The following TTC1 variants were observed in gnomAD, a reference collection of about 807,000 sequenced individuals.
TTC1 encodes tetratricopeptide repeat protein 1.
In TTC1, 31 loss-of-function variants were observed where a neutral mutation model predicts 37.6. The observed-to-expected ratio is 0.82, with a 90% CI of 0.62 to 1.11. TTC1 has a LOEUF of 1.11. Ranked by LOEUF, TTC1 falls within the 50% of genes most tolerant of loss-of-function variation. The pLI, the probability that TTC1 is intolerant of heterozygous loss-of-function variation, is 0.00. For synonymous variants in TTC1, 127 were observed against 122.4 expected, an observed-to-expected ratio of 1.04 and a Z score of -0.25; for missense variants, 351 against 339.0, an observed-to-expected ratio of 1.04 and a Z score of -0.28.
intron 7 of TTC1, among the ~76,000 whole-genome samples, chr5:160,058,561 C>A (rs1757609496): frequency 6.6e-6 from 1 of 152,000 alleles, no homozygotes; most frequent in Admixed American, 6.6e-5. Flanking sequence ...CAGGTGCCCA[C>A]CACCAAGCCC....
At chr5:160,054,144 G>C (rs1477777013) in intron 7 of TTC1, among the ~76,000 whole-genome samples, 2 of 152,148 alleles carry the variant, frequency 1.3e-5, no homozygotes, top group African/African-American at 4.8e-5. Flanking sequence ...TAATAACCAA[G>C]GAATGTAAGG....
intron 2 of TTC1, chr5:160,023,695 A>G: frequency 2.0e-6 from 3 of 1,520,676 alleles, no homozygotes; most frequent in Admixed American, 1.7e-5. Context: ...TGCACAAGGC[A>G]TGTCACATGT....
At chr5:160,039,883 A>C (rs1007366760) in intron 4 of TTC1, among the ~76,000 whole-genome samples, 2 of 152,244 alleles carry the variant, frequency 1.3e-5, no homozygotes, top group Non-Finnish European at 2.9e-5. Flanking sequence ...GATGACCCTG[A>C]AACCTTTTTT....
At position 160,050,982 on chromosome 5, in the gene TTC1, T is replaced by C. The variant is rs992887138; in HGVS notation, c.691-147T>C. 2.4e-5 allele frequency: 14 copies of C among 580,686 alleles called. No individual in the cohort carries two copies. In the African/African-American group the frequency reaches 2.4e-4, roughly 10 times the overall value. 36.0% of individuals were successfully genotyped at this position (580,686 alleles called of 1,614,324 possible). A position where few individuals can be genotyped will look rare whatever the true frequency, so the allele number is the denominator to read the frequency against. ...CACAAACATAAATACTTGGGGTTTT[T>C]TTTTTTTATTTAATAGGATCATAGA... On this transcript the variant is annotated intron_variant, in intron 6 of 7. Coordinates refer to ENST00000231238, the MANE Select transcript of TTC1 (RefSeq NM_003314.3).
In TTC1 at chr5:160,030,947, C is replaced by T. The variant is rs371381909; in HGVS notation, c.331-4193C>T. On this transcript the variant is annotated intron_variant, in intron 2 of 7. Coordinates refer to ENST00000231238, the MANE Select transcript of TTC1 (RefSeq NM_003314.3). Reference sequence around the variant, plus strand: ...GCAGAATATCAGCACTGCCAGCTCACATATGTGTGAATGCTCCTGGCACCT... The same window carrying T: ...GCAGAATATCAGCACTGCCAGCTCATATATGTGTGAATGCTCCTGGCACCT... Among the ~76,000 whole-genome samples, 24 of 152,314 alleles carry T rather than the reference C, an allele frequency of 1.6e-4. No homozygotes were observed. In the East Asian group the frequency reaches 4.4e-3, roughly 28 times the overall value.
Position 160,010,730 on chromosome 5 carries a change from G to A in TTC1, c.202G>A (p.Ala68Thr). 2.5e-6 allele frequency: 4 copies of A among 1,614,026 alleles called. No individual in the cohort carries two copies. Among genetic ancestry groups the A allele is most frequent in the Non-Finnish European group, 3.4e-6 (4 of 1,179,950 alleles). The change falls in exon 2 of 8, where the codon GCC becomes ACC. Residue 68 changes from alanine to threonine, a missense_variant. Transcript: ENST00000231238. ...GEEECFHDCS[A>T]SFEEEPGADK... ...AGAGGAGTGTTTTCATGACTGCAGTGCCTCATTTGAGGAGGAGCCAGGAGC... is the reference window on the plus strand; with the variant it reads ...AGAGGAGTGTTTTCATGACTGCAGTACCTCATTTGAGGAGGAGCCAGGAGC...
intron 2 of TTC1, among the ~76,000 whole-genome samples, chr5:160,022,900 T>A (rs781091731): frequency 3.3e-5 from 5 of 152,188 alleles, no homozygotes; most frequent in Non-Finnish European, 7.4e-5. Context: ...ATGCTACAGA[T>A]TCGGGGTAAT....
chr5:160,040,915 T>C (rs369163773), intron 4 of TTC1, among the ~76,000 whole-genome samples: 4 of 151,982 alleles, frequency 2.6e-5, no homozygotes, highest in South Asian at 2.1e-4. Context: ...CAGCTATATC[T>C]TTATTCTATA....
chr5:160,055,632 C>T (rs1290108791), intron 7 of TTC1, among the ~76,000 whole-genome samples: 1 of 152,208 alleles, frequency 6.6e-6, no homozygotes, highest in Non-Finnish European at 1.5e-5. Flanking sequence ...TGGAGCTCAG[C>T]AATCTAAGTT....
In TTC1 at chr5:160,036,664, A is replaced by G. The variant is rs1248376797; in HGVS notation, c.392-27A>G. 4.8e-6 allele frequency: 7 copies of G among 1,458,822 alleles called. No individual in the cohort carries two copies. The African/African-American group carries it at 8.4e-5, about 17-fold the overall frequency. 90.4% of individuals were successfully genotyped at this position (1,458,822 alleles called of 1,614,324 possible). A position where few individuals can be genotyped will look rare whatever the true frequency, so the allele number is the denominator to read the frequency against. ...TAGTATCAGGAATAAAATCAAAATG[A>G]CCATTCATCCTTTCTCTTATCCTCA... On this transcript the variant is annotated intron_variant, in intron 3 of 7. Coordinates refer to ENST00000231238, the MANE Select transcript of TTC1 (RefSeq NM_003314.3).
intron 2 of TTC1, among the ~76,000 whole-genome samples, chr5:160,014,777 C>T (rs980231259): frequency 2.6e-5 from 4 of 152,086 alleles, no homozygotes; most frequent in South Asian, 2.1e-4. Context: ...ACAGCATTAA[C>T]GCTGATTCTC....
At position 160,045,552 on chromosome 5, in the gene TTC1, TCC is replaced by T. The variant is rs142492183; in HGVS notation, c.541+2387_541+2388del. Among the ~76,000 whole-genome samples, 309 of 87,534 alleles carry T rather than the reference TCC, an allele frequency of 3.5e-3. 9 individuals are homozygous for T. Among genetic ancestry groups the T allele is most frequent in the Middle Eastern group, 0.018 (3 of 170 alleles). 57.4% of individuals were successfully genotyped at this position (87,534 alleles called of 152,430 possible). The stretch of plus-strand genomic sequence containing the variant: ...CTCTCTCTCTCTCTCTCTCTCTCTC[TCC>T]CCCTCCCCTCTCTCAATCTCTCAAT... On this transcript the variant is annotated intron_variant, in intron 5 of 7. Transcript: ENST00000231238.
intron 2 of TTC1, among the ~76,000 whole-genome samples, chr5:160,014,783 T>C (rs1756571943): frequency 6.6e-6 from 1 of 152,220 alleles, no homozygotes; most frequent in African/African-American, 2.4e-5. Flanking sequence ...TTAACGCTGA[T>C]TCTCTTGTAG....
At chr5:160,013,873 C>G (rs1205870119) in intron 2 of TTC1, among the ~76,000 whole-genome samples, 1 of 151,998 alleles carries the variant, frequency 6.6e-6, no homozygotes, top group Non-Finnish European at 1.5e-5. Context: ...TGTTATGTCA[C>G]TTCATGGGAT....
At chr5:160,047,693 C>G (rs1156917263) in intron 5 of TTC1, among the ~76,000 whole-genome samples, 1 of 152,114 alleles carries the variant, frequency 6.6e-6, no homozygotes, top group Non-Finnish European at 1.5e-5. Context: ...CTCCATGGCC[C>G]TACATTTCAG....
Position 160,065,059 on chromosome 5 carries a change from CAG to C in TTC1, c.875_876del (p.Arg292IlefsTer20). On this transcript the variant is annotated frameshift_variant, in exon 8 of 8. Transcript: ENST00000231238. LOFTEE classifies it high-confidence loss of function. ...INFVQNPNNN[R>X] The stretch of plus-strand genomic sequence containing the variant: ...ATTTCGTTCAAAATCCAAATAATAA[CAG>C]ATAACAAAGATAACAAAAGCTTTAC... 8.7e-6 allele frequency: 14 copies of C among 1,609,994 alleles called. No homozygotes were observed. Among genetic ancestry groups the C allele is most frequent in the African/African-American group, 1.3e-5 (1 of 74,696 alleles).
At chr5:160,033,276 G>A (rs1281187636) in intron 2 of TTC1, among the ~76,000 whole-genome samples, 1 of 151,936 alleles carries the variant, frequency 6.6e-6, no homozygotes, top group Non-Finnish European at 1.5e-5. Flanking sequence ...CCTTCCCTCA[G>A]ATACGTTATA....
chr5:160,009,699 T>G (rs951234906), intron 1 of TTC1, among the ~76,000 whole-genome samples: 3 of 152,216 alleles, frequency 2.0e-5, no homozygotes, highest in Non-Finnish European at 2.9e-5. Flanking sequence ...AAAGTATCTC[T>G]AGTGTTCTCT....
intron 2 of TTC1, chr5:160,023,944 T>G (rs1209938269): frequency 7.0e-6 from 11 of 1,568,512 alleles, no homozygotes; most frequent in Non-Finnish European, 9.7e-6. Context: ...CCTTTTCCTC[T>G]TCCTCATCAG....
Sources: gnomAD v4.1 joint callset for allele counts (sites outside exome capture counted in the v4.1 genomes callset) on GRCh38, gnomAD v4.1.1 for gene constraint, MANE v1.5 for transcripts, NCBI Gene and HGNC (gene_info 2026-07-23, HGNC 2026-07-21) for gene names.